Variants in NXPH1 observed in about 807,000 individuals in gnomAD.
NXPH1 encodes neurexophilin-1.
NXPH1 carries 5 observed loss-of-function variants against 23.7 expected under a neutral mutation model. The ratio of observed to expected loss-of-function variants is 0.21; its 90% CI spans 0.11 to 0.44. The LOEUF (loss-of-function observed/expected upper bound fraction) is 0.44, where lower values mean the gene tolerates loss of function less well. Among genes scored for constraint, NXPH1 ranks in the 20% least tolerant of loss-of-function variants. NXPH1 has a pLI of 0.99. For synonymous variants in NXPH1, 144 were observed against 122.2 expected (o/e 1.18, Z -1.18); for missense variants, 324 against 321.6 (o/e 1.01, Z -0.06).
chr7:8,648,184 G>C (rs1481816204), intron 2 of NXPH1, among the ~76,000 whole-genome samples: 1 of 152,056 alleles, frequency 6.6e-6, no homozygotes, highest in African/African-American at 2.4e-5. Flanking sequence ...TATTCTTTAA[G>C]TTATTTAAAA....
At chr7:8,592,673 C>A (rs1214351262) in intron 2 of NXPH1, among the ~76,000 whole-genome samples, 4 of 151,922 alleles carry the variant, frequency 2.6e-5, no homozygotes, top group Non-Finnish European at 1.5e-5. Flanking sequence ...CAGAGCTCAT[C>A]GTCTCTGTTG....
chr7:8,727,353 T>G (rs963017153), intron 2 of NXPH1, among the ~76,000 whole-genome samples: 3 of 139,802 alleles, frequency 2.1e-5, no homozygotes, highest in Non-Finnish European at 4.6e-5. Context: ...TAGATCCCAT[T>G]TGTCAATTTT....
intron 2 of NXPH1, among the ~76,000 whole-genome samples, chr7:8,662,720 G>C (rs1187129903): frequency 1.3e-5 from 2 of 151,854 alleles, no homozygotes; most frequent in Admixed American, 6.6e-5. Context: ...GCTGACTTCA[G>C]GTTCAATATT....
At chr7:8,451,899 G>T (rs1370534550) in intron 2 of NXPH1, among the ~76,000 whole-genome samples, 1 of 152,148 alleles carries the variant, frequency 6.6e-6, no homozygotes, top group East Asian at 1.9e-4. Context: ...AGGCATTCAG[G>T]GTCCTCATGG....
intron 2 of NXPH1, among the ~76,000 whole-genome samples, chr7:8,563,884 A>G (rs1362836676): frequency 6.6e-6 from 1 of 151,774 alleles, no homozygotes; most frequent in Non-Finnish European, 1.5e-5. Context: ...TTGATGGGCC[A>G]TTGAGATTAA....
chr7:8,722,326 G>A (rs1049697030), intron 2 of NXPH1, among the ~76,000 whole-genome samples: 7 of 152,246 alleles, frequency 4.6e-5, no homozygotes, highest in Admixed American at 4.6e-4. Flanking sequence ...GAGATTTTGG[G>A]AAACACATAT....
In NXPH1 at chr7:8,433,689, C is replaced by T. The variant is rs1816137228; in HGVS notation, c.-1177C>T. On this transcript the variant is annotated 5_prime_UTR_variant, in exon 1 of 3. Transcript: ENST00000405863. This position sits in a 1 kb window ranked among gnomAD's most constrained non-coding sequence, Gnocchi z 6.8. ...CGGCCCGGCAGCCACAGGTCGGAGG[C>T]GCCCGGCGTCGGCGCTCGAGGCCGG... Among the ~76,000 whole-genome samples the T allele has an allele frequency of 6.6e-6, 1 of 152,120 alleles. No individual in the cohort carries two copies. The highest frequency in any genetic ancestry group is 1.5e-5 in the Non-Finnish European group (1 of 67,982).
intron 2 of NXPH1, among the ~76,000 whole-genome samples, chr7:8,597,487 G>A (rs1819251226): frequency 6.6e-6 from 1 of 152,034 alleles, no homozygotes; most frequent in Non-Finnish European, 1.5e-5. Context: ...ACAATTACTT[G>A]ATGAGTCATT....
At chr7:8,489,634 A>G (rs1268323167) in intron 2 of NXPH1, among the ~76,000 whole-genome samples, 1 of 152,106 alleles carries the variant, frequency 6.6e-6, no homozygotes, top group Non-Finnish European at 1.5e-5. Context: ...ATGGGCAAAT[A>G]TTAGGATACT....
At chr7:8,531,352 C>T (rs1426993987) in intron 2 of NXPH1, among the ~76,000 whole-genome samples, 1 of 152,164 alleles carries the variant, frequency 6.6e-6, no homozygotes, top group East Asian at 1.9e-4. Flanking sequence ...ATAATAATGT[C>T]ATACTCTATT....
chr7:8,678,690 C>G (rs1820994873), intron 2 of NXPH1, among the ~76,000 whole-genome samples: 1 of 152,010 alleles, frequency 6.6e-6, no homozygotes, highest in Non-Finnish European at 1.5e-5. Context: ...GAATGGGTCA[C>G]TTCCTATTAG....
Position 8,752,899 on chromosome 7 carries a change from ATATTT to A in NXPH1, c.*1136_*1140del, listed in dbSNP as rs1317624546. On this transcript the variant is annotated 3_prime_UTR_variant, in exon 3 of 3. Transcript: ENST00000405863. ...AACATTACAGTCTGTCTGTATTTAG[ATATTT>A]TATTTCTGGAAAAAATGAAATGTAC... is the stretch of plus-strand genomic sequence containing the variant. The A allele has an allele frequency of 1.3e-5, 2 of 152,584 alleles. No individual in the cohort carries two copies. Among genetic ancestry groups the A allele is most frequent in the African/African-American group, 4.8e-5 (2 of 41,442 alleles). 9.5% of individuals were successfully genotyped at this position (152,584 alleles called of 1,614,324 possible).
chr7:8,741,581 C>T (rs1222815218), intron 2 of NXPH1, among the ~76,000 whole-genome samples: 1 of 152,078 alleles, frequency 6.6e-6, no homozygotes, highest in Non-Finnish European at 1.5e-5. Flanking sequence ...GTTTGACCTT[C>T]TCATAATAGT....
Position 8,752,125 on chromosome 7 carries a change from C to G in NXPH1, c.*356C>G, listed in dbSNP as rs375657514. On this transcript the variant is annotated 3_prime_UTR_variant, in exon 3 of 3. Transcript: ENST00000405863. ...ATAATGGTTCAGGATCAACTATCAT[C>G]AAACGGAAGGATTAACTAGACAGAG... is the stretch of plus-strand genomic sequence containing the variant. 1.5e-5 allele frequency: 3 copies of G among 201,880 alleles called. No homozygotes were observed. The highest frequency in any genetic ancestry group is 1.1e-4 in the East Asian group (1 of 9,336). The allele number at this position is 201,880 out of a possible 1,614,324, so 12.5% of individuals were successfully genotyped here.
At chr7:8,511,668 A>T (rs1817614564) in intron 2 of NXPH1, among the ~76,000 whole-genome samples, 1 of 152,152 alleles carries the variant, frequency 6.6e-6, no homozygotes, top group South Asian at 2.1e-4. Context: ...GTGAACTTGT[A>T]GACTATATGT....
At chr7:8,672,951 T>C (rs988492926) in intron 2 of NXPH1, among the ~76,000 whole-genome samples, 13 of 152,184 alleles carry the variant, frequency 8.5e-5, no homozygotes, top group African/African-American at 3.1e-4. Flanking sequence ...CAGACCTGGA[T>C]TGGAATCTTG....
chr7:8,638,076 A>G (rs1426088060), intron 2 of NXPH1, among the ~76,000 whole-genome samples: 1 of 152,196 alleles, frequency 6.6e-6, no homozygotes, highest in Non-Finnish European at 1.5e-5. Flanking sequence ...CATTACTTTG[A>G]ACAGAAAAAA....
At chr7:8,700,607 A>G (rs1011444642) in intron 2 of NXPH1, among the ~76,000 whole-genome samples, 2 of 152,190 alleles carry the variant, frequency 1.3e-5, no homozygotes, top group African/African-American at 4.8e-5. Context: ...ATTAGAGTAC[A>G]ATGTGGTCTT....
At chr7:8,474,044 G>A (rs1373204190) in intron 2 of NXPH1, among the ~76,000 whole-genome samples, 1 of 152,060 alleles carries the variant, frequency 6.6e-6, no homozygotes, top group African/African-American at 2.4e-5. Flanking sequence ...TGACTACTCT[G>A]AATCAAAAAG....
Sources: allele counts gnomAD v4.1 joint callset (sites outside exome capture counted in the v4.1 genomes callset), GRCh38; gene constraint gnomAD v4.1.1; non-coding constraint Gnocchi (gnomAD v3.1); transcripts MANE v1.5; gene names NCBI Gene and HGNC (gene_info 2026-07-23, HGNC 2026-07-21).